DOC2B: variants seen among roughly 807,000 people sequenced by gnomAD.
The protein encoded by DOC2B is double C2-like domain-containing protein beta.
DOC2B carries 21 observed loss-of-function variants against 28.9 expected under a neutral mutation model. The ratio of observed to expected loss-of-function variants is 0.73; its 90% CI spans 0.52 to 1.05. The LOEUF is 1.05. DOC2B is among the 50% of genes least tolerant of loss of function. The probability of loss-of-function intolerance (pLI) is 0.00; values close to 1 mark genes in which losing one functional copy is unlikely to be tolerated. For missense variants in DOC2B, 384 were observed against 421.1 expected (o/e 0.91, Z 0.77); for synonymous variants, 194 against 178.1 (o/e 1.09, Z -0.71).
At chr17:173,132 C>T (rs763925802) in intron 1 of DOC2B, among the ~76,000 whole-genome samples, 64 of 152,212 alleles carry the variant, frequency 4.2e-4, no homozygotes, top group African/African-American at 7.0e-4. Context: ...TTGGGAACCC[C>T]GAGCAGGCCG....
chr17:142,898 A>C lies in DOC2B; in HGVS notation c.*4543T>G, dbSNP rs1178607620. On this transcript the variant is annotated 3_prime_UTR_variant, in exon 9 of 9. Coordinates refer to ENST00000613549, the MANE Select transcript of DOC2B (RefSeq NM_003585.5). The stretch of plus-strand genomic sequence containing the variant: ...CAACATTTTCTAACAAGGTGGAATG[A>C]AAATATAAAGTGTGGGGATTGCTAC... 6.6e-6 allele frequency: 1 copy of C among 152,242 alleles called. No homozygotes were observed. The highest frequency in any genetic ancestry group is 2.4e-5 in the African/African-American group (1 of 41,464). The allele number at this position is 152,242 out of a possible 1,614,324, so 9.4% of individuals were successfully genotyped here. A position where few individuals can be genotyped will look rare whatever the true frequency, so the allele number is the denominator to read the frequency against.
At chr17:170,218 G>C (rs1398155996) in intron 2 of DOC2B, among the ~76,000 whole-genome samples, 1 of 152,196 alleles carries the variant, frequency 6.6e-6, no homozygotes, top group Non-Finnish European at 1.5e-5. Context: ...TGCTCCTAGG[G>C]GTGGGCTGGA....
At chr17:155,439 G>A (rs1366661233) in intron 6 of DOC2B, among the ~76,000 whole-genome samples, 1 of 152,128 alleles carries the variant, frequency 6.6e-6, no homozygotes, top group Non-Finnish European at 1.5e-5. Flanking sequence ...CCCTAGGTCA[G>A]GGCCATCCCT....
intron 4 of DOC2B, 66 bp from the exon 5 acceptor site, chr17:161,607 C>T (rs946504849): frequency 7.8e-6 from 12 of 1,542,658 alleles, no homozygotes; most frequent in African/African-American, 2.7e-5. Context: ...TGGAGGTGTG[C>T]GCAGGTAGGG....
chr17:158,903 G>A (rs1567530950), intron 5 of DOC2B, among the ~76,000 whole-genome samples: 1 of 148,476 alleles, frequency 6.7e-6, no homozygotes, highest in African/African-American at 2.4e-5. Flanking sequence ...AAATTAGCCG[G>A]GTGTGGTGGC....
intron 7 of DOC2B, among the ~76,000 whole-genome samples, chr17:148,910 C>T (rs1286027277): frequency 1.3e-5 from 2 of 151,942 alleles, no homozygotes; most frequent in Non-Finnish European, 2.9e-5. Context: ...CTTCCCTCCC[C>T]CCAGCCCTAC....
intron 3 of DOC2B, 35 bp downstream of exon 3, chr17:164,095 G>A (rs964045535): frequency 3.3e-6 from 5 of 1,497,166 alleles, no homozygotes; most frequent in Non-Finnish European, 4.6e-6. Context: ...GTGGGCGGGT[G>A]CAGCTGGTGG....
intron 6 of DOC2B, among the ~76,000 whole-genome samples, chr17:154,141 CCA>C (rs1555522125): frequency 2.3e-4 from 35 of 151,362 alleles, no homozygotes; most frequent in African/African-American, 7.7e-4. Flanking sequence ...GGCTGATATT[CCA>C]CGCACCTGCT....
intron 1 of DOC2B, among the ~76,000 whole-genome samples, chr17:178,773 C>G (rs933360950): frequency 6.6e-5 from 10 of 152,230 alleles, no homozygotes; most frequent in African/African-American, 2.2e-4. Flanking sequence ...AGCAACCGCC[C>G]TCATTTCTTT....
At chr17:180,179 G>C (rs1378508483) in intron 1 of DOC2B, among the ~76,000 whole-genome samples, 3 of 152,234 alleles carry the variant, frequency 2.0e-5, no homozygotes, top group African/African-American at 4.8e-5. Context: ...AGCTAGGAGG[G>C]GGTTCTCACA....
intron 3 of DOC2B, among the ~76,000 whole-genome samples, chr17:163,331 C>T (rs1032745153): frequency 1.3e-5 from 2 of 152,142 alleles, no homozygotes; most frequent in African/African-American, 4.8e-5. Context: ...GGGGCACTGC[C>T]ATTTCTCCTA....
chr17:173,244 T>G (rs931147712), intron 1 of DOC2B, among the ~76,000 whole-genome samples: 31 of 151,692 alleles, frequency 2.0e-4, no homozygotes, highest in African/African-American at 6.5e-4. Flanking sequence ...TTGGGGGAGG[T>G]TGCAGCCATA....
intron 2 of DOC2B, among the ~76,000 whole-genome samples, chr17:164,779 A>G (rs921113522): frequency 2.0e-5 from 3 of 152,220 alleles, no homozygotes; most frequent in African/African-American, 7.2e-5. Context: ...GTGCACAGCC[A>G]GAGGCACACA....
intron 6 of DOC2B, among the ~76,000 whole-genome samples, chr17:152,087 C>T (rs77383171): frequency 0.19 from 28,468 of 151,972 alleles, 3,625 homozygotes; most frequent in African/African-American, 0.36. Context: ...CCGGGGCTCA[C>T]GGAGCCGCCC....
At position 161,460 on chromosome 17, in the gene DOC2B, G is replaced by C; in HGVS notation, c.720C>G (p.Pro240=). The change falls in exon 5 of 9, where the codon CCC becomes CCG. Residue 240 remains proline, a synonymous_variant. Coordinates refer to ENST00000613549, the MANE Select transcript of DOC2B (RefSeq NM_003585.5). ...AGATGCTGAAGGTCTTGGTGTGGTTGGGTTTCAGCTTCTTCAGGGGCACAC... is the reference window on the plus strand; with the variant it reads ...AGATGCTGAAGGTCTTGGTGTGGTTCGGTTTCAGCTTCTTCAGGGGCACAC... ...ETRVPLKKLK[P]NHTKTFSICL... 1 of 1,551,698 alleles carries C rather than the reference G, an allele frequency of 6.4e-7. No individual in the cohort carries two copies. The highest frequency in any genetic ancestry group is 1.2e-5 in the South Asian group (1 of 84,062).
chr17:147,596 G>T lies in DOC2B; in HGVS notation c.1103-19C>A. 2.5e-6 allele frequency: 1 copy of T among 398,828 alleles called. No homozygotes were observed. Among genetic ancestry groups the T allele is most frequent in the Middle Eastern group, 6.3e-4 (1 of 1,592 alleles). The allele number at this position is 398,828 out of a possible 1,614,324, so 24.7% of individuals were successfully genotyped here. ...ACACCACCTGCAGGAGGACAGGAGG[G>T]GCAGCTGGGGCACAGGGACCCCCAA... On this transcript the variant is annotated intron_variant, in intron 8 of 8. Transcript: ENST00000613549.
At chr17:148,561 G>C (rs2294079) in intron 7 of DOC2B, among the ~76,000 whole-genome samples, 112,316 of 151,924 alleles carry the variant, frequency 0.74, 42,227 homozygotes, top group East Asian at 0.86. Flanking sequence ...GTCATCCTGG[G>C]CCTCTCTGGG....
chr17:175,106 C>T (rs189419637), intron 1 of DOC2B, among the ~76,000 whole-genome samples: 7 of 152,256 alleles, frequency 4.6e-5, no homozygotes, highest in African/African-American at 4.8e-5. Flanking sequence ...GGCATGGTGG[C>T]GCATGCCTGT....
At chr17:156,684 G>A (rs113214789) in intron 5 of DOC2B, among the ~76,000 whole-genome samples, 4,867 of 152,314 alleles carry the variant, frequency 0.032, 119 homozygotes, top group Middle Eastern at 0.065. Context: ...GATCAGGCCC[G>A]ACGCCTGGCT....
Sources: allele counts gnomAD v4.1 joint callset (sites outside exome capture counted in the v4.1 genomes callset), GRCh38; gene constraint gnomAD v4.1.1; transcripts MANE v1.5; gene names NCBI Gene and HGNC (gene_info 2026-07-23, HGNC 2026-07-21).